Variants in OCM2 observed in about 807,000 individuals in gnomAD.
OCM2 encodes the protein oncomodulin-2.
OCM2 carries 6 observed loss-of-function variants against 13.6 expected under a neutral mutation model. The observed-to-expected ratio is 0.44, with a 90% CI of 0.24 to 0.87. OCM2 has a LOEUF of 0.87. Ranked by LOEUF, OCM2 falls within the 40% of genes least tolerant of loss-of-function variation. The pLI is 0.22. For missense variants in OCM2, 118 were observed against 136.8 expected (o/e 0.86, Z 0.68); for synonymous variants, 40 against 50.7 (o/e 0.79, Z 0.90).
chr7:97,987,708 A>G (rs1161329339), intron 2 of OCM2, among the ~76,000 whole-genome samples: 1 of 149,236 alleles, frequency 6.7e-6, no homozygotes, highest in Non-Finnish European at 1.5e-5. Flanking sequence ...TTTATTTGAG[A>G]CAGAGTCTCT....
intron 1 of OCM2, 28 bp downstream of exon 1, chr7:97,990,016 T>C: frequency 4.0e-5 from 43 of 1,083,688 alleles, no homozygotes; most frequent in Non-Finnish European, 5.5e-5. Flanking sequence ...TGTGAGGAAA[T>C]CCCACCCCCG....
chr7:97,990,015 A>AGGGGGG, intron 1 of OCM2, 29 bp downstream of exon 1: 7 of 780,804 alleles, frequency 9.0e-6, no homozygotes, highest in Non-Finnish European at 1.3e-5. Flanking sequence ...CTGTGAGGAA[A>AGGGGGG]TCCCACCCCC....
Position 97,988,933 on chromosome 7 carries a change from C to CTT in OCM2, c.62-387_62-386dup, listed in dbSNP as rs67400420. Among the ~76,000 whole-genome samples the CTT allele has an allele frequency of 6.5e-3, 876 of 134,574 alleles. 15 individuals are homozygous for CTT. Among genetic ancestry groups the CTT allele is most frequent in the African/African-American group, 0.02 (725 of 35,746 alleles). 88.3% of individuals were successfully genotyped at this position (134,574 alleles called of 152,430 possible). On this transcript the variant is annotated intron_variant, in intron 1 of 3. Transcript: ENST00000257627. ...ATGGCCTTTGGCGATTTCTTTCTTT[C>CTT]TTTTTTTTTTTTTTTTGAGACAGAG...
exon 4 of OCM2, chr7:97,984,909 C>A (rs1224232426): frequency 1.9e-6 from 3 of 1,562,836 alleles, no homozygotes; most frequent in East Asian, 4.5e-5. Flanking sequence ...GCTTTGGAAT[C>A]CTTCCAGGTG....
At chr7:97,985,954 C>A (rs543879303) in intron 3 of OCM2, among the ~76,000 whole-genome samples, 1 of 152,020 alleles carries the variant, frequency 6.6e-6, no homozygotes, top group East Asian at 1.9e-4. Context: ...CTCTTGTTGC[C>A]CAGGCTGGAG....
chr7:97,987,318 T>C (rs1425596453), intron 2 of OCM2, among the ~76,000 whole-genome samples, 162 bp from the exon 3 acceptor site: 1 of 152,118 alleles, frequency 6.6e-6, no homozygotes, highest in Non-Finnish European at 1.5e-5. Context: ...AAACCAATGG[T>C]GGGCACTTCA....
intron 1 of OCM2, 150 bp downstream of exon 1, chr7:97,989,894 G>A: frequency 6.1e-6 from 4 of 656,434 alleles, no homozygotes; most frequent in South Asian, 2.0e-5. Context: ...TCCTGACCTC[G>A]TGATCCACCC....
At chr7:97,989,929 A>AT in intron 1 of OCM2, 115 bp downstream of exon 1, 1 of 1,010,390 alleles carries the variant, frequency 9.9e-7, no homozygotes, top group Non-Finnish European at 1.5e-6. Flanking sequence ...AAGTGCTAGG[A>AT]TTACAGGCGT....
rs754825506 is a variant in OCM2, at chr7:97,987,181, G to A, written c.195-25C>T. On this transcript the variant is annotated intron_variant, in intron 2 of 3. Coordinates refer to ENST00000257627, the Ensembl canonical transcript of OCM2. The stretch of plus-strand genomic sequence containing the variant: ...CCTACAGGATAATAAAGATCCATGG[G>A]GATTTTCAAAAAGGTCGTGCATCCC... 8 of 1,612,508 alleles carry A rather than the reference G, an allele frequency of 5.0e-6. No homozygotes were observed. In the Admixed American group the frequency reaches 5.0e-5, roughly 10 times the overall value.
At chr7:97,988,101 G>T (rs569737836) in intron 2 of OCM2, among the ~76,000 whole-genome samples, 1 of 151,984 alleles carries the variant, frequency 6.6e-6, no homozygotes, top group Admixed American at 6.6e-5. Flanking sequence ...TGAGGCATGA[G>T]AATCACTTGA....
At chr7:97,990,016 T>TGCCACCCCCCCCCCC in intron 1 of OCM2, 28 bp downstream of exon 1, 1 of 1,083,840 alleles carries the variant, frequency 9.2e-7, no homozygotes. Context: ...TGTGAGGAAA[T>TGCCACCCCCCCCCCC]CCCACCCCCG....
chr7:97,986,607 T>G lies in OCM2; in HGVS notation c.304+440A>C, dbSNP rs184365445. 6.9e-3 allele frequency among the ~76,000 whole-genome samples: 1,054 copies of G among 152,312 alleles called. 7 individuals carry two copies. The highest frequency in any genetic ancestry group is 0.024 in the African/African-American group (1,005 of 41,562). On this transcript the variant is annotated intron_variant, in intron 3 of 3. Transcript: ENST00000257627. Reference sequence around the variant, plus strand: ...TAATGTCCAATAAAATATATTTGTCTAAACCCTTGAAGATGAAGAGGCCTT... The same window carrying G: ...TAATGTCCAATAAAATATATTTGTCGAAACCCTTGAAGATGAAGAGGCCTT...
chr7:97,985,026 C>T (rs746781409), intron 3 of OCM2, 43 bp from the exon 4 acceptor site: 7 of 1,613,886 alleles, frequency 4.3e-6, no homozygotes, highest in South Asian at 3.3e-5. Context: ...GAGGTGGCTT[C>T]GTTCTTTACA....
chr7:97,985,458 A>AGAAAGAAAG (rs1562865194), intron 3 of OCM2, among the ~76,000 whole-genome samples: 1 of 151,446 alleles, frequency 6.6e-6, no homozygotes, highest in South Asian at 2.1e-4. Flanking sequence ...AAAGAAAGAA[A>AGAAAGAAAG]AAAACCCTGG....
intron 3 of OCM2, among the ~76,000 whole-genome samples, chr7:97,985,783 G>C (rs966177755): frequency 1.3e-5 from 2 of 152,110 alleles, no homozygotes; most frequent in Admixed American, 6.6e-5. Context: ...AAAAGTTTCT[G>C]TTACTAAAAG....
intron 2 of OCM2, among the ~76,000 whole-genome samples, 190 bp downstream of exon 2, chr7:97,988,226 T>C (rs1300880963): frequency 4.6e-5 from 7 of 151,878 alleles, no homozygotes; most frequent in Admixed American, 2.0e-4. Flanking sequence ...TAGTCTTCAC[T>C]GCCCATGTTG....
rs1794681387 is a variant in OCM2, at chr7:97,987,174, T to C, written c.195-18A>G. The C allele has an allele frequency of 6.2e-7, 1 of 1,613,014 alleles. No individual in the cohort carries two copies. The highest frequency in any genetic ancestry group is 8.5e-7 in the Non-Finnish European group (1 of 1,179,196). On this transcript the variant is annotated intron_variant, in intron 2 of 3. Coordinates refer to ENST00000257627, the Ensembl canonical transcript of OCM2. ...GGAAAAACCTACAGGATAATAAAGA[T>C]CCATGGGGATTTTCAAAAAGGTCGT...
chr7:97,985,031 T>C, intron 3 of OCM2, 48 bp from the exon 4 acceptor site: 3 of 1,613,672 alleles, frequency 1.9e-6, no homozygotes, highest in Non-Finnish European at 2.5e-6. Flanking sequence ...GGCTTCGTTC[T>C]TTACAGACAT....
exon 1 of OCM2, chr7:97,990,071 T>C: frequency 7.1e-7 from 1 of 1,409,276 alleles, no homozygotes; most frequent in Non-Finnish European, 9.6e-7. Context: ...GCTGCTGCAA[T>C]GTCATCAGCA....
Sources: gnomAD v4.1 joint callset for allele counts (sites outside exome capture counted in the v4.1 genomes callset) on GRCh38, gnomAD v4.1.1 for gene constraint, MANE v1.5 for transcripts, NCBI Gene and HGNC (gene_info 2026-07-23, HGNC 2026-07-21) for gene names.